Variants in GRK5 observed in about 807,000 individuals in gnomAD.
GRK5 encodes G protein-coupled receptor kinase 5.
GRK5 carries 40 observed loss-of-function variants against 78.4 expected under a neutral mutation model. The ratio of observed to expected loss-of-function variants is 0.51; its 90% CI spans 0.40 to 0.66. The LOEUF (loss-of-function observed/expected upper bound fraction) is 0.66. Among genes scored for constraint, GRK5 ranks in the 30% least tolerant of loss-of-function variants. The pLI, the probability that GRK5 is intolerant of heterozygous loss-of-function variation, is 0.00. For synonymous variants in GRK5, 289 were observed against 296.8 expected (o/e 0.97, Z 0.27); for missense variants, 598 against 759.9 (o/e 0.79, Z 2.50).
At position 119,321,670 on chromosome 10, in the gene GRK5, A is replaced by T. The variant is rs545785528; in HGVS notation, c.53-4846A>T. 1.3e-4 allele frequency among the ~76,000 whole-genome samples: 20 copies of T among 152,362 alleles called. 1 individual carries two copies. In the South Asian group the frequency reaches 4.1e-3, roughly 32 times the overall value. ...TCCACAAACTTAATGCTCATTTGTC[A>T]TGGAACCTAACGTATTCACAGGTTC... On this transcript the variant is annotated intron_variant, in intron 1 of 15. Coordinates refer to ENST00000392870, the MANE Select transcript of GRK5 (RefSeq NM_005308.3).
intron 1 of GRK5, among the ~76,000 whole-genome samples, chr10:119,290,395 G>T (rs1849934900): frequency 6.7e-6 from 1 of 150,194 alleles, no homozygotes; most frequent in Non-Finnish European, 1.5e-5. Context: ...TCTCCCTGTG[G>T]CCGTCACCTC....
intron 1 of GRK5, among the ~76,000 whole-genome samples, chr10:119,257,337 C>T (rs1252565076): frequency 6.6e-6 from 1 of 152,246 alleles, no homozygotes; most frequent in Non-Finnish European, 1.5e-5. Flanking sequence ...ACATTCTCTC[C>T]CATAGGCCCC....
intron 1 of GRK5, among the ~76,000 whole-genome samples, chr10:119,211,956 G>A (rs1384768643): frequency 3.9e-5 from 6 of 152,172 alleles, no homozygotes. Context: ...TTAGAACGTT[G>A]GAACATCTCT....
chr10:119,234,440 C>T (rs1417335354), intron 1 of GRK5, among the ~76,000 whole-genome samples: 1 of 152,170 alleles, frequency 6.6e-6, no homozygotes, highest in Non-Finnish European at 1.5e-5. Flanking sequence ...ATCTTATAAA[C>T]GAGGAAGCTG....
In GRK5 at chr10:119,439,832, C is replaced by G. The variant is rs183997927; in HGVS notation, c.967+64C>G. The stretch of plus-strand genomic sequence containing the variant: ...CAACCCCAAGAAAGCAAAGGGCCTC[C>G]CAGGGATTCTCAGAGAGGGCTGGGG... On this transcript the variant is annotated intron_variant, in intron 10 of 15. Coordinates refer to ENST00000392870, the MANE Select transcript of GRK5 (RefSeq NM_005308.3). 3.6e-4 allele frequency: 549 copies of G among 1,515,616 alleles called. 7 individuals carry two copies. The African/African-American group carries it at 6.6e-3, about 18-fold the overall frequency. 93.9% of individuals were successfully genotyped at this position (1,515,616 alleles called of 1,614,324 possible).
In GRK5 at chr10:119,458,595, A is replaced by G. The variant is rs565700651; in HGVS notation, c.*3528A>G. ...TACACATACCAGCAAGCAGCTGCCG[A>G]GACAAATGGTGGTGGGAAGTCCTGG... On this transcript the variant is annotated 3_prime_UTR_variant, in exon 16 of 16. Coordinates refer to ENST00000392870, the MANE Select transcript of GRK5 (RefSeq NM_005308.3). 16 of 151,886 alleles carry G rather than the reference A, an allele frequency of 1.1e-4. No individual in the cohort carries two copies. The highest frequency in any genetic ancestry group is 1.1e-3 in the Admixed American group (16 of 15,208). 9.4% of individuals were successfully genotyped at this position (151,886 alleles called of 1,614,324 possible).
intron 6 of GRK5, among the ~76,000 whole-genome samples, chr10:119,427,920 ATCACTGCCATCATCAGCC>A (rs60455658): frequency 0.51 from 76,810 of 150,724 alleles, 19,762 homozygotes; most frequent in Admixed American, 0.62. Context: ...CACCGTCAGC[ATCACTGCCATCATCAGCC>A]TCACTGCCAT....
intron 1 of GRK5, among the ~76,000 whole-genome samples, chr10:119,265,877 C>T (rs1849487900): frequency 6.6e-6 from 1 of 152,218 alleles, no homozygotes; most frequent in Admixed American, 6.5e-5. Flanking sequence ...TATGGCTGCT[C>T]AGGAGTGGGT....
intron 1 of GRK5, among the ~76,000 whole-genome samples, chr10:119,248,817 C>T (rs535411254): frequency 6.6e-6 from 1 of 152,148 alleles, no homozygotes; most frequent in African/African-American, 2.4e-5. Flanking sequence ...GATCTATTAT[C>T]TAGGGCTTTT....
At chr10:119,346,247 C>T (rs1489055345) in intron 2 of GRK5, among the ~76,000 whole-genome samples, 2 of 152,296 alleles carry the variant, frequency 1.3e-5, no homozygotes, top group East Asian at 1.9e-4. Context: ...GAGGCAGCAT[C>T]GCCGCAGCGG....
At chr10:119,443,395 C>A in intron 11 of GRK5, 149 bp from the exon 12 acceptor site, 1 of 651,908 alleles carries the variant, frequency 1.5e-6, no homozygotes, top group Non-Finnish European at 2.6e-6. Context: ...AGAGGAGAGT[C>A]ATCAGGGCAA....
At chr10:119,322,152 C>T (rs553347669) in intron 1 of GRK5, among the ~76,000 whole-genome samples, 129 of 152,282 alleles carry the variant, frequency 8.5e-4, no homozygotes, top group African/African-American at 3.0e-3. Flanking sequence ...CGGAGTCTTG[C>T]TATGTTGCCT....
chr10:119,216,275 A>T (rs1184086747), intron 1 of GRK5, among the ~76,000 whole-genome samples: 1 of 152,194 alleles, frequency 6.6e-6, no homozygotes, highest in African/African-American at 2.4e-5. Flanking sequence ...AAATTTTTTT[A>T]AAAAGGTAAT....
At chr10:119,302,068 T>C (rs1850192619) in intron 1 of GRK5, among the ~76,000 whole-genome samples, 2 of 152,204 alleles carry the variant, frequency 1.3e-5, no homozygotes, top group African/African-American at 4.8e-5. Context: ...CTTCCTGGAC[T>C]TTTTCCCTTG....
At chr10:119,297,670 C>CCTCTTGCT (rs1277029669) in intron 1 of GRK5, among the ~76,000 whole-genome samples, 1 of 152,144 alleles carries the variant, frequency 6.6e-6, no homozygotes, top group African/African-American at 2.4e-5. Flanking sequence ...TGTTTGGCCC[C>CCTCTTGCT]CTCTTGCTCT....
intron 6 of GRK5, among the ~76,000 whole-genome samples, chr10:119,428,092 A>G (rs1427547494): frequency 6.6e-6 from 1 of 152,250 alleles, no homozygotes; most frequent in African/African-American, 2.4e-5. Flanking sequence ...AGGGCAGTCT[A>G]GTGGAGCTGT....
chr10:119,368,018 T>C (rs1851478590), intron 2 of GRK5, among the ~76,000 whole-genome samples: 1 of 152,208 alleles, frequency 6.6e-6, no homozygotes, highest in African/African-American at 2.4e-5. Flanking sequence ...TTTGCCTTGG[T>C]CCCTGGCTTG....
intron 3 of GRK5, among the ~76,000 whole-genome samples, chr10:119,394,608 C>T (rs1851995461): frequency 4.7e-4 from 1 of 2,118 alleles, no homozygotes; most frequent in Non-Finnish European, 1.0e-3. Context: ...TGTGTGGGCA[C>T]GTGTATGTTT....
chr10:119,260,143 G>A (rs1386018913), intron 1 of GRK5, among the ~76,000 whole-genome samples: 1 of 152,094 alleles, frequency 6.6e-6, no homozygotes, highest in Non-Finnish European at 1.5e-5. Flanking sequence ...GGGACTACAG[G>A]TGCCCACCAT....
Sources: gnomAD v4.1 joint callset for allele counts (sites outside exome capture counted in the v4.1 genomes callset) on GRCh38, gnomAD v4.1.1 for gene constraint, MANE v1.5 for transcripts, NCBI Gene and HGNC (gene_info 2026-07-23, HGNC 2026-07-21) for gene names.